SLC36A3: variants seen among roughly 807,000 people sequenced by gnomAD.
SLC36A3 encodes proton-coupled amino acid transporter 3.
SLC36A3 carries 35 observed loss-of-function variants against 44.3 expected under a neutral mutation model. The observed-to-expected ratio is 0.79, with a 90% CI of 0.60 to 1.05. SLC36A3 has a LOEUF of 1.05. Ranked by LOEUF, SLC36A3 falls within the 50% of genes least tolerant of loss-of-function variation. The probability of loss-of-function intolerance (pLI) is 0.00; values close to 1 mark genes in which losing one functional copy is unlikely to be tolerated. For missense variants in SLC36A3, 540 were observed against 578.7 expected (o/e 0.93, Z 0.69); for synonymous variants, 211 against 227.6 (o/e 0.93, Z 0.66).
chr5:151,284,569 T>A, intron 7 of SLC36A3, 44 bp downstream of exon 7: 1 of 1,470,732 alleles, frequency 6.8e-7, no homozygotes, highest in Non-Finnish European at 9.4e-7. Context: ...TTGGCCACTG[T>A]AGAGGGCGCT....
chr5:151,287,212 A>C, intron 6 of SLC36A3, 34 bp downstream of exon 6: 1 of 1,606,918 alleles, frequency 6.2e-7, no homozygotes, highest in Non-Finnish European at 8.5e-7. Flanking sequence ...TCAGAGACCC[A>C]GGACCCTGAT....
In SLC36A3 at chr5:151,277,587, C is replaced by G. The variant is rs373055884; in HGVS notation, c.1219G>C (p.Ala407Pro). ...TCCAGGAGGGCTGGGATGATGAGAGCCAGGGCGCTGCTGCTCACGGAGCCT... is the reference window on the plus strand; with the variant it reads ...TCCAGGAGGGCTGGGATGATGAGAGGCAGGGCGCTGCTGCTCACGGAGCCT... ...LVGSVSSSAL[A>P]LIIPALLEIV... Residue 407 changes from alanine to proline, a missense_variant, in exon 10 of 10, where the codon GCT becomes CCT. Transcript: ENST00000335230. 302 of 1,614,168 alleles carry G rather than the reference C, an allele frequency of 1.9e-4. No homozygotes were observed. In the South Asian group the frequency reaches 3.1e-3, roughly 17 times the overall value.
chr5:151,279,928 T>C (rs1357426209), intron 9 of SLC36A3, among the ~76,000 whole-genome samples: 1 of 152,136 alleles, frequency 6.6e-6, no homozygotes, highest in South Asian at 2.1e-4. Flanking sequence ...TAAGGATAAA[T>C]GTGGAAATTT....
At position 151,303,504 on chromosome 5, in the gene SLC36A3, C is replaced by T; in HGVS notation, c.-150G>A. 1.3e-6 allele frequency: 1 copy of T among 769,676 alleles called. No homozygotes were observed. Among genetic ancestry groups the T allele is most frequent in the East Asian group, 2.7e-5 (1 of 37,340 alleles). 47.7% of individuals were successfully genotyped at this position (769,676 alleles called of 1,614,324 possible). A position where few individuals can be genotyped will look rare whatever the true frequency, so the allele number is the denominator to read the frequency against. ...GTGCTGCTGGCTGAAGCCTGAAGTG[C>T]ATGAATCAGGGAAGCGGTGGTGGCA... On this transcript the variant is annotated 5_prime_UTR_variant, in exon 1 of 10. An upstream start codon of the reference 5' UTR is lost. Coordinates refer to ENST00000335230, the MANE Select transcript of SLC36A3 (RefSeq NM_181774.4).
intron 4 of SLC36A3, among the ~76,000 whole-genome samples, chr5:151,293,031 A>G (rs1754817095): frequency 6.6e-6 from 1 of 152,230 alleles, no homozygotes; most frequent in Non-Finnish European, 1.5e-5. Flanking sequence ...ACATGAAAAA[A>G]TAGGGATATA....
chr5:151,296,349 G>C (rs775968235), intron 2 of SLC36A3, 81 bp from the exon 3 acceptor site: 2 of 1,203,734 alleles, frequency 1.7e-6, no homozygotes, highest in African/African-American at 3.0e-5. Flanking sequence ...CTGCGTGCTG[G>C]GGCCTGTTGC....
intron 2 of SLC36A3, chr5:151,296,475 A>G: frequency 1.7e-6 from 1 of 600,638 alleles, no homozygotes; most frequent in East Asian, 2.8e-5. Context: ...AACTTCTGCT[A>G]GGATACTTCC....
chr5:151,284,279 T>G, intron 7 of SLC36A3, 69 bp from the exon 8 acceptor site: 470 of 1,214,078 alleles, frequency 3.9e-4, no homozygotes, highest in Middle Eastern at 6.0e-4. Context: ...AAGGAGAGGG[T>G]TCCCGTACAA....
intron 3 of SLC36A3, among the ~76,000 whole-genome samples, chr5:151,294,975 TCC>T: frequency 6.6e-6 from 1 of 150,624 alleles, no homozygotes; most frequent in Non-Finnish European, 1.5e-5. Flanking sequence ...AACTGTGAAG[TCC>T]CCCAAAACAT....
chr5:151,296,631 G>A, intron 2 of SLC36A3: 1 of 280,904 alleles, frequency 3.6e-6, no homozygotes, highest in Non-Finnish European at 6.8e-6. Flanking sequence ...TGAGGGCCAA[G>A]GTGTTCTTAT....
At chr5:151,285,557 T>G (rs968914326) in intron 6 of SLC36A3, among the ~76,000 whole-genome samples, 2 of 152,220 alleles carry the variant, frequency 1.3e-5, no homozygotes, top group African/African-American at 4.8e-5. Flanking sequence ...TAGATTTCTA[T>G]GGTGGGTAGA....
chr5:151,279,589 C>T (rs1209097723), intron 9 of SLC36A3, among the ~76,000 whole-genome samples: 1 of 152,228 alleles, frequency 6.6e-6, no homozygotes, highest in Non-Finnish European at 1.5e-5. Context: ...CCCTGATACT[C>T]AGAGGCTCCT....
chr5:151,278,338 T>C (rs1754179685), intron 9 of SLC36A3, among the ~76,000 whole-genome samples: 2 of 152,140 alleles, frequency 1.3e-5, no homozygotes, highest in African/African-American at 2.4e-5. Flanking sequence ...TAAAATTCCA[T>C]CTCTTATACA....
At chr5:151,294,962 TA>T (rs531446635) in intron 3 of SLC36A3, among the ~76,000 whole-genome samples, 6 of 151,092 alleles carry the variant, frequency 4.0e-5, no homozygotes, top group Non-Finnish European at 7.4e-5. Flanking sequence ...GACTAAAAAA[TA>T]AAACTGTGAA....
intron 9 of SLC36A3, among the ~76,000 whole-genome samples, chr5:151,279,992 C>T (rs1754248569): frequency 6.6e-6 from 1 of 152,196 alleles, no homozygotes; most frequent in Non-Finnish European, 1.5e-5. Flanking sequence ...GCTCATTCCT[C>T]ATGGGTCATC....
chr5:151,277,671 A>G lies in SLC36A3; in HGVS notation c.1145-10T>C. The G allele has an allele frequency of 1.2e-6, 2 of 1,612,796 alleles. No individual in the cohort carries two copies. The highest frequency in any genetic ancestry group is 2.2e-5 in the East Asian group (1 of 44,852). The stretch of plus-strand genomic sequence containing the variant: ...AGGATGGCTGAGACACCTGCAATGA[A>G]AGGAGATATTTAGAATCACTGAATG... On this transcript the variant is annotated splice_polypyrimidine_tract_variant and intron_variant, in intron 9 of 9. Transcript: ENST00000335230.
chr5:151,282,112 T>G (rs1484833736), intron 8 of SLC36A3, among the ~76,000 whole-genome samples: 2 of 26,560 alleles, frequency 7.5e-5, no homozygotes, highest in Non-Finnish European at 1.2e-4. Context: ...TTTTTCTTTG[T>G]TTTTTTTTTT....
In SLC36A3 at chr5:151,277,190, G is replaced by T; in HGVS notation, c.*203C>A. On this transcript the variant is annotated 3_prime_UTR_variant, in exon 10 of 10. Coordinates refer to ENST00000335230, the MANE Select transcript of SLC36A3 (RefSeq NM_181774.4). The stretch of plus-strand genomic sequence containing the variant: ...TAATTTTGGTTCAGAGGTACAAAAG[G>T]CCATCCAAAAAATATAAAACCAAAA... The T allele has an allele frequency of 3.0e-6, 2 of 664,200 alleles. No homozygotes were observed. The highest frequency in any genetic ancestry group is 2.4e-5 in the South Asian group (1 of 41,634). The allele number at this position is 664,200 out of a possible 1,614,324, so 41.1% of individuals were successfully genotyped here.
Position 151,277,282 on chromosome 5 carries a change from C to T in SLC36A3, c.*111G>A, listed in dbSNP as rs908999733. 108 of 1,362,410 alleles carry T rather than the reference C, an allele frequency of 7.9e-5. No homozygotes were observed. The highest frequency in any genetic ancestry group is 2.0e-4 in the African/African-American group (14 of 68,530). The allele number at this position is 1,362,410 out of a possible 1,614,324, so 84.4% of individuals were successfully genotyped here. On this transcript the variant is annotated 3_prime_UTR_variant, in exon 10 of 10. Transcript: ENST00000335230. ...TGCATTTCTCTTGGAAAGATAAAGA[C>T]GCCACTAATTAATATAGAGATGTTG...
Sources: gnomAD v4.1 joint callset for allele counts (sites outside exome capture counted in the v4.1 genomes callset) on GRCh38, gnomAD v4.1.1 for gene constraint, MANE v1.5 for transcripts, NCBI Gene and HGNC (gene_info 2026-07-23, HGNC 2026-07-21) for gene names.